Variants in CCDC160 observed in about 807,000 individuals in gnomAD.
The protein encoded by CCDC160 is coiled-coil domain-containing protein 160.
For missense variants in CCDC160, 227 were observed against 215.6 expected (o/e 1.05, Z -0.33); for synonymous variants, 94 against 79.4 (o/e 1.18, Z -0.98).
chrX:134,244,832 A>T, exon 2 of CCDC160: 1 of 1,178,493 alleles, frequency 8.5e-7, no homozygotes, highest in Non-Finnish European at 1.1e-6. Context: ...TGGAAGGAGA[A>T]TATGTTTACT....
exon 2 of CCDC160, chrX:134,244,853 G>A: frequency 2.5e-6 from 3 of 1,186,924 alleles, no homozygotes; most frequent in Non-Finnish European, 3.4e-6. Context: ...CCTTTTTTTA[G>A]TGCACAAGAT....
chrX:134,245,009 T>C, exon 2 of CCDC160: 1 of 1,175,374 alleles, frequency 8.5e-7, no homozygotes, highest in South Asian at 1.9e-5. Context: ...ATTTTCCAAC[T>C]AAATGAAATA....
At chrX:134,243,428 G>A (rs1330487405) in intron 1 of CCDC160, 1 of 550,298 alleles carries the variant, frequency 1.8e-6, no homozygotes, top group African/African-American at 2.5e-5. Context: ...TAGGTATCAA[G>A]TTTATTCCTT....
At chrX:134,242,901 G>T (rs1305955051) in intron 1 of CCDC160, among the ~76,000 whole-genome samples, 1 of 110,950 alleles carries the variant, frequency 9.0e-6, no homozygotes, top group Non-Finnish European at 1.9e-5. Context: ...CTATATAATT[G>T]TTGGGTAAAA....
chrX:134,243,874 C>G (rs1019126758), intron 1 of CCDC160, among the ~76,000 whole-genome samples: 4 of 111,792 alleles, frequency 3.6e-5, no homozygotes, highest in African/African-American at 1.3e-4. Flanking sequence ...TCTGGTTCTT[C>G]TTTCTCCCTT....
chrX:134,244,643 A>G, intron 1 of CCDC160, 134 bp from the exon 3 acceptor site: 4 of 533,558 alleles, frequency 7.5e-6, no homozygotes, highest in Non-Finnish European at 1.1e-5. Context: ...CAAGCCATTC[A>G]GTGAGTTAGA....
downstream of CCDC160, chrX:134,245,946 C>A: frequency 2.6e-6 from 1 of 383,189 alleles, no homozygotes. Context: ...CTTTCTCTTT[C>A]TGATGAAGTT....
intron 1 of CCDC160, among the ~76,000 whole-genome samples, chrX:134,240,702 G>A (rs969107246): frequency 1.9e-5 from 1 of 52,679 alleles, no homozygotes; most frequent in African/African-American, 7.8e-5. Flanking sequence ...TTTTTTTTAG[G>A]AGACAGAGTG....
intron 1 of CCDC160, among the ~76,000 whole-genome samples, chrX:134,243,926 G>A (rs761925243): frequency 2.1e-4 from 23 of 111,103 alleles, no homozygotes; most frequent in Admixed American, 5.8e-4. Context: ...AGTGCTGTGG[G>A]AAAGCTGTAC....
intron 1 of CCDC160, chrX:134,238,814 G>A (rs2077018751): frequency 8.9e-6 from 1 of 111,939 alleles, no homozygotes; most frequent in African/African-American, 3.3e-5. Flanking sequence ...ATATCCAGTA[G>A]ACAGAAGATC....
rs1034215579 is a variant in CCDC160 at position 134,238,741 on chromosome X, T to C, written c.-25+1398T>C. 3.9e-4 allele frequency: 44 copies of C among 111,777 alleles called. No individual in the cohort carries two copies. The highest frequency in any genetic ancestry group is 1.4e-3 in the African/African-American group (44 of 30,645). 9.2% of individuals were successfully genotyped at this position (111,777 alleles called of 1,213,427 possible). On this transcript the variant is annotated intron_variant, in intron 1 of 1. Transcript: ENST00000370809. The stretch of plus-strand genomic sequence containing the variant: ...GGGCATTCTGGTTAAATGTATTTCC[T>C]GATTACAGGGAGGGAGGCGGAATTT...
chrX:134,238,116 G>A (rs1306044652), intron 1 of CCDC160, among the ~76,000 whole-genome samples: 5 of 111,409 alleles, frequency 4.5e-5, no homozygotes, highest in Non-Finnish European at 9.4e-5. Flanking sequence ...TTGCTAATGC[G>A]GTTCCTGGCG....
intron 1 of CCDC160, among the ~76,000 whole-genome samples, chrX:134,239,459 A>G (rs2077020670): frequency 8.9e-6 from 1 of 112,282 alleles, no homozygotes; most frequent in African/African-American, 3.2e-5. Flanking sequence ...CTTAGATAAA[A>G]TCAATTCAGC....
chrX:134,239,888 C>T (rs996150622), intron 1 of CCDC160, among the ~76,000 whole-genome samples: 1 of 112,180 alleles, frequency 8.9e-6, no homozygotes, highest in Non-Finnish European at 1.9e-5. Flanking sequence ...GCCAAGATAT[C>T]TGACTCCTTC....
rs1171267381 is a variant in CCDC160 at position 134,238,444 on chromosome X, C to T, written c.-25+1101C>T. 3.0e-5 allele frequency among the ~76,000 whole-genome samples: 3 copies of T among 99,480 alleles called. No individual in the cohort carries two copies. In the South Asian group the frequency reaches 1.5e-3, roughly 49 times the overall value. 86.4% of individuals were successfully genotyped at this position (99,480 alleles called of 115,157 possible). A position where few individuals can be genotyped will look rare whatever the true frequency, so the allele number is the denominator to read the frequency against. On this transcript the variant is annotated intron_variant, in intron 1 of 1. Transcript: ENST00000370809. The stretch of plus-strand genomic sequence containing the variant: ...CTGGAGTGCAGTGGCGCAATTTCGG[C>T]TCACTGCAACCTTCCCCTCCCTGGT...
At chrX:134,239,821 A>G (rs1358112522) in intron 1 of CCDC160, among the ~76,000 whole-genome samples, 1 of 111,967 alleles carries the variant, frequency 8.9e-6, no homozygotes, top group Non-Finnish European at 1.9e-5. Context: ...TGAAACAGGT[A>G]TATTGTCCCT....
intron 1 of CCDC160, chrX:134,243,449 A>T (rs2077033287): frequency 2.3e-6 from 1 of 434,245 alleles, no homozygotes; most frequent in African/African-American, 2.7e-5. Flanking sequence ...CATTGCTCAT[A>T]GTAAGGAAAA....
intron 1 of CCDC160, among the ~76,000 whole-genome samples, chrX:134,243,741 A>G (rs1218842841): frequency 8.9e-6 from 1 of 112,169 alleles, no homozygotes; most frequent in Non-Finnish European, 1.9e-5. Context: ...TACTACAAAT[A>G]TGTTTTGGTG....
Position 134,244,890 on chromosome X carries a change from ATCT to A in CCDC160, c.97_99del (p.Ser33del), listed in dbSNP as rs759856987. ...TTCTAGAAGAGACTTCTGAGCCTGAATCTTCTTCTGAACAAACGACTGCAGATA... is the reference window on the plus strand; with the variant it reads ...TTCTAGAAGAGACTTCTGAGCCTGAATCTTCTGAACAAACGACTGCAGATA... On this transcript the variant is annotated inframe_deletion, in exon 2 of 2. Coordinates refer to ENST00000370809, the Ensembl canonical transcript of CCDC160. The A allele has an allele frequency of 1.5e-5, 18 of 1,202,008 alleles. No homozygotes were observed. The South Asian group carries it at 2.4e-4, about 16-fold the overall frequency.
Sources: allele counts gnomAD v4.1 joint callset (sites outside exome capture counted in the v4.1 genomes callset), GRCh38; gene constraint gnomAD v4.1.1; transcripts MANE v1.5; gene names NCBI Gene and HGNC (gene_info 2026-07-23, HGNC 2026-07-21).